RALGAPA1: variants seen among roughly 807,000 people sequenced by gnomAD.
The protein encoded by RALGAPA1 is Ral GTPase activating protein catalytic subunit alpha 1.
In RALGAPA1, 52 loss-of-function variants were observed where a neutral mutation model predicts 269.6. The ratio of observed to expected loss-of-function variants is 0.19; its 90% CI spans 0.15 to 0.24. The LOEUF is 0.24. Ranked by LOEUF, RALGAPA1 falls within the 10% of genes least tolerant of loss-of-function variation. RALGAPA1 has a pLI of 1.00. For synonymous variants in RALGAPA1, 817 were observed against 1,008.3 expected (o/e 0.81, Z 3.60); for missense variants, 1,917 against 3,013.9 (o/e 0.64, Z 8.52).
rs773260411 is a variant in RALGAPA1 at position 35,775,069 on chromosome 14, A to G, written c.218-14T>C. 1.4e-6 allele frequency: 2 copies of G among 1,392,594 alleles called. No homozygotes were observed. Among genetic ancestry groups the G allele is most frequent in the South Asian group, 1.2e-5 (1 of 81,906 alleles). The allele number at this position is 1,392,594 out of a possible 1,614,324, so 86.3% of individuals were successfully genotyped here. On this transcript the variant is annotated splice_polypyrimidine_tract_variant and intron_variant, in intron 2 of 41. Coordinates refer to ENST00000680220, the MANE Select transcript of RALGAPA1 (RefSeq NM_001346249.2). ...GAGACTTGTGACCTAAAACATTTTT[A>G]TAAGAAAACATTTAAAACATATCAT...
intron 6 of RALGAPA1, among the ~76,000 whole-genome samples, chr14:35,758,553 AATT>A (rs2073401509): frequency 6.6e-6 from 1 of 152,094 alleles, no homozygotes; most frequent in African/African-American, 2.4e-5. Context: ...AATAAATAAT[AATT>A]ATTTTTAAAG....
At chr14:35,608,320 G>A (rs934263575) in intron 35 of RALGAPA1, among the ~76,000 whole-genome samples, 6 of 152,146 alleles carry the variant, frequency 3.9e-5, no homozygotes, top group African/African-American at 9.7e-5. Flanking sequence ...CAATAAGTAC[G>A]TGATAACCCA....
chr14:35,694,543 A>G (rs1203056923), intron 17 of RALGAPA1, among the ~76,000 whole-genome samples: 3 of 152,184 alleles, frequency 2.0e-5, no homozygotes, highest in Admixed American at 6.5e-5. Flanking sequence ...TATTGTAATC[A>G]TATGAAAAGA....
chr14:35,620,317 A>G (rs982682566), intron 35 of RALGAPA1, among the ~76,000 whole-genome samples: 1 of 152,202 alleles, frequency 6.6e-6, no homozygotes, highest in Non-Finnish European at 1.5e-5. Flanking sequence ...ACAGCTCTTC[A>G]TGCTAAAAAC....
chr14:35,801,172 A>C (rs1451814637), intron 1 of RALGAPA1, among the ~76,000 whole-genome samples: 1 of 151,980 alleles, frequency 6.6e-6, no homozygotes, highest in Non-Finnish European at 1.5e-5. Context: ...GATCAGGAAA[A>C]GAAAGACAAA....
At chr14:35,655,721 T>A in intron 29 of RALGAPA1, 86 bp downstream of exon 29, 1 of 1,498,310 alleles carries the variant, frequency 6.7e-7, no homozygotes. Context: ...ATTTACTAAA[T>A]GTTACACAAG....
At chr14:35,808,472 G>A (rs1203268680) in intron 1 of RALGAPA1, among the ~76,000 whole-genome samples, 1 of 152,176 alleles carries the variant, frequency 6.6e-6, no homozygotes, top group African/African-American at 2.4e-5. Context: ...AAAGATCTAA[G>A]TTTTTAGAGT....
intron 20 of RALGAPA1, 27 bp from the exon 21 acceptor site, chr14:35,684,012 T>C (rs1595130902): frequency 6.4e-7 from 1 of 1,572,786 alleles, no homozygotes; most frequent in South Asian, 1.1e-5. Context: ...TGTTATTATA[T>C]GAGTCCCAAT....
chr14:35,624,510 C>T lies in RALGAPA1; in HGVS notation c.6929+851G>A, dbSNP rs921549746. Among the ~76,000 whole-genome samples, 7 of 150,096 alleles carry T rather than the reference C, an allele frequency of 4.7e-5. No homozygotes were observed. In the East Asian group the frequency reaches 5.9e-4, roughly 13 times the overall value. The stretch of plus-strand genomic sequence containing the variant: ...ACAAACAAGTTTATTAAGAGGAACA[C>T]GAAGAAATATAACATAAAGAGGAGA... On this transcript the variant is annotated intron_variant, in intron 35 of 41. Coordinates refer to ENST00000680220, the MANE Select transcript of RALGAPA1 (RefSeq NM_001346249.2).
chr14:35,797,020 C>G (rs1426689579), intron 1 of RALGAPA1, among the ~76,000 whole-genome samples: 1 of 152,054 alleles, frequency 6.6e-6, no homozygotes, highest in African/African-American at 2.4e-5. Context: ...ATCTCCTGAC[C>G]TCGTGATCCG....
chr14:35,779,104 A>G (rs549374539), intron 1 of RALGAPA1, among the ~76,000 whole-genome samples: 3 of 152,238 alleles, frequency 2.0e-5, no homozygotes, highest in Admixed American at 1.3e-4. Context: ...CTATAAGAAT[A>G]ATAGTCATCA....
At chr14:35,655,521 T>C (rs1034158107) in intron 29 of RALGAPA1, among the ~76,000 whole-genome samples, 1 of 151,990 alleles carries the variant, frequency 6.6e-6, no homozygotes, top group African/African-American at 2.4e-5. Context: ...AAAAACCCTA[T>C]ATATGTTTTA....
At chr14:35,696,741 T>G (rs563978665) in intron 17 of RALGAPA1, among the ~76,000 whole-genome samples, 98 of 151,274 alleles carry the variant, frequency 6.5e-4, no homozygotes, top group African/African-American at 2.2e-3. Flanking sequence ...TTCATTGAGG[T>G]TTTTTTTTGG....
intron 1 of RALGAPA1, among the ~76,000 whole-genome samples, chr14:35,793,595 AACAC>A (rs33911524): frequency 7.3e-5 from 11 of 150,098 alleles, no homozygotes; most frequent in Non-Finnish European, 1.6e-4. Flanking sequence ...TACACACACA[AACAC>A]ACACACACAC....
At chr14:35,640,659 A>G (rs2061969618) in intron 31 of RALGAPA1, among the ~76,000 whole-genome samples, 1 of 152,184 alleles carries the variant, frequency 6.6e-6, no homozygotes, top group Non-Finnish European at 1.5e-5. Flanking sequence ...TCTACCAAAC[A>G]TTTAAAGAAC....
At chr14:35,702,743 A>ATT (rs1282374814) in intron 16 of RALGAPA1, among the ~76,000 whole-genome samples, 4 of 141,784 alleles carry the variant, frequency 2.8e-5, no homozygotes, top group South Asian at 2.2e-4. Flanking sequence ...ATATATATAC[A>ATT]TTTTTTTTTT....
intron 15 of RALGAPA1, among the ~76,000 whole-genome samples, chr14:35,722,176 T>G (rs2069478918): frequency 6.6e-6 from 1 of 152,230 alleles, no homozygotes; most frequent in African/African-American, 2.4e-5. Context: ...CCTGTGGTGA[T>G]GATTACTAAA....
chr14:35,654,904 G>A (rs1305199167), intron 29 of RALGAPA1, among the ~76,000 whole-genome samples: 3 of 152,028 alleles, frequency 2.0e-5, no homozygotes, highest in South Asian at 2.1e-4. Context: ...GCTTCTCTAC[G>A]TCCACATTTC....
At chr14:35,552,032 T>G (rs1271888460) in intron 39 of RALGAPA1, among the ~76,000 whole-genome samples, 2 of 152,128 alleles carry the variant, frequency 1.3e-5, no homozygotes, top group Non-Finnish European at 2.9e-5. Context: ...ACTGTTAGCT[T>G]GGTAAAATAA....
Sources: allele counts gnomAD v4.1 joint callset (sites outside exome capture counted in the v4.1 genomes callset), GRCh38; gene constraint gnomAD v4.1.1; transcripts MANE v1.5; gene names NCBI Gene and HGNC (gene_info 2026-07-23, HGNC 2026-07-21).